SCN7A: variants seen among roughly 807,000 people sequenced by gnomAD.
SCN7A encodes the protein sodium channel protein type 7 subunit alpha.
A neutral mutation model predicts 155.2 loss-of-function variants in SCN7A; 138 were observed. The ratio of observed to expected loss-of-function variants is 0.89; its 90% CI spans 0.77 to 1.02. SCN7A has a LOEUF of 1.02. Ranked by LOEUF, SCN7A falls within the 50% of genes least tolerant of loss-of-function variation. The probability of loss-of-function intolerance (pLI) is 0.00; values close to 1 mark genes in which losing one functional copy is unlikely to be tolerated. For synonymous variants in SCN7A, 693 were observed against 649.0 expected, an observed-to-expected ratio of 1.07 and a Z score of -1.03; for missense variants, 2,058 against 1,986.6, an observed-to-expected ratio of 1.04 and a Z score of -0.68.
At chr2:166,456,842 A>T (rs1199444597) in intron 11 of SCN7A, 28 bp downstream of exon 11, 2 of 1,068,164 alleles carry the variant, frequency 1.9e-6, no homozygotes, top group Non-Finnish European at 2.8e-6. Flanking sequence ...ATAGATAGAT[A>T]GATAGATAGA....
intron 6 of SCN7A, among the ~76,000 whole-genome samples, chr2:166,471,732 G>T (rs1243658830): frequency 8.7e-5 from 13 of 150,182 alleles, no homozygotes; most frequent in Admixed American, 8.1e-4. Flanking sequence ...ATGTGGGGGG[G>T]GGGGTGGTGT....
In SCN7A at chr2:166,406,040, GTCC is replaced by G; in HGVS notation, c.4586_4588del (p.Arg1529del). ...AAGCTTGCTAGAGTCTATGTACTGGGTCCTATCAGGATCAAACCTTTTCCATAC... is the reference window on the plus strand; with the variant it reads ...AAGCTTGCTAGAGTCTATGTACTGGGTATCAGGATCAAACCTTTTCCATAC... On this transcript the variant is annotated inframe_deletion, in exon 26 of 26. Coordinates refer to ENST00000643258, the MANE Select transcript of SCN7A (RefSeq NM_002976.4). 1.2e-6 allele frequency: 2 copies of G among 1,612,862 alleles called. No homozygotes were observed. The highest frequency in any genetic ancestry group is 1.7e-6 in the Non-Finnish European group (2 of 1,179,346).
intron 18 of SCN7A, among the ~76,000 whole-genome samples, 184 bp downstream of exon 18, chr2:166,427,604 A>G (rs1701650648): frequency 6.6e-6 from 1 of 152,110 alleles, no homozygotes; most frequent in African/African-American, 2.4e-5. Flanking sequence ...TGAATGATGC[A>G]TATATAAACT....
chr2:166,405,322 T>C lies in SCN7A; in HGVS notation c.*258A>G, dbSNP rs1426763773. On this transcript the variant is annotated 3_prime_UTR_variant, in exon 26 of 26. Transcript: ENST00000643258. Reference sequence around the variant, plus strand: ...TAGAAGGCACACATCATATAAGCCATGTAGAGAAAACAAATATGAGATTGT... The same window carrying C: ...TAGAAGGCACACATCATATAAGCCACGTAGAGAAAACAAATATGAGATTGT... The C allele has an allele frequency of 4.9e-6, 2 of 406,466 alleles. No individual in the cohort carries two copies. The highest frequency in any genetic ancestry group is 4.2e-5 in the African/African-American group (2 of 47,938). The allele number at this position is 406,466 out of a possible 1,614,324, so 25.2% of individuals were successfully genotyped here.
At chr2:166,415,456 C>T (rs2105377626) in intron 21 of SCN7A, among the ~76,000 whole-genome samples, 1 of 152,042 alleles carries the variant, frequency 6.6e-6, no homozygotes, top group African/African-American at 2.4e-5. Flanking sequence ...ATCTCTTGAC[C>T]TCATGATCTG....
chr2:166,414,252 A>G, intron 21 of SCN7A, among the ~76,000 whole-genome samples: 1 of 87,690 alleles, frequency 1.1e-5, no homozygotes, highest in Non-Finnish European at 2.1e-5. Flanking sequence ...GTAAATATAT[A>G]TAGATATATA....
Position 166,456,931 on chromosome 2 carries a change from T to G in SCN7A, c.1229A>C (p.Lys410Thr). The G allele has an allele frequency of 6.4e-7, 1 of 1,570,654 alleles. No individual in the cohort carries two copies. The highest frequency in any genetic ancestry group is 8.6e-7 in the Non-Finnish European group (1 of 1,157,006). Reference sequence around the variant, plus strand: ...AGTCTGTTGAAATTTTGGTTCAATCTTCTTAGATATTTCACCAACTCTCTG... The same window carrying G: ...AGTCTGTTGAAATTTTGGTTCAATCGTCTTAGATATTTCACCAACTCTCTG... ...EKQRVGEISK[K>T]IEPKFQQTGK... The change falls in exon 11 of 26, where the codon AAG becomes ACG. Residue 410 changes from lysine to threonine, a missense_variant. Lys to Thr is a moderately conservative substitution (Grantham distance 78, BLOSUM62 -1). Transcript: ENST00000643258.
chr2:166,444,682 T>C (rs917978999), intron 13 of SCN7A, 80 bp downstream of exon 13: 2 of 764,470 alleles, frequency 2.6e-6, no homozygotes, highest in Non-Finnish European at 2.1e-6. Flanking sequence ...AATAAAATAA[T>C]GGGAATAATG....
At chr2:166,409,615 A>T (rs1007136126) in intron 25 of SCN7A, 50 bp downstream of exon 25, 1 of 1,292,412 alleles carries the variant, frequency 7.7e-7, no homozygotes, top group South Asian at 1.7e-5. Context: ...GTAAGAGCTT[A>T]CTTGAATTAA....
At chr2:166,410,923 A>C (rs1701188840) in intron 23 of SCN7A, among the ~76,000 whole-genome samples, 1 of 151,996 alleles carries the variant, frequency 6.6e-6, no homozygotes. Context: ...CGTCCTAGGA[A>C]TTAGGAATTG....
intron 25 of SCN7A, 103 bp downstream of exon 25, chr2:166,409,562 T>A: frequency 2.2e-6 from 2 of 917,320 alleles, no homozygotes; most frequent in Non-Finnish European, 3.2e-6. Flanking sequence ...GGAGACTATA[T>A]TTCATGATTT....
rs1172227994 is a variant in SCN7A, at chr2:166,406,305, C to T, written c.4324G>A (p.Ala1442Thr). The T allele has an allele frequency of 1.2e-6, 2 of 1,613,094 alleles. No homozygotes were observed. Among genetic ancestry groups the T allele is most frequent in the East Asian group, 4.5e-5 (2 of 44,832 alleles). The change falls in exon 26 of 26, where the codon GCA (alanine) becomes ACA (threonine). Residue 1442 changes from alanine to threonine, a missense_variant. Physicochemically the swap from Ala to Thr is moderately conservative, Grantham distance 58. Coordinates refer to ENST00000643258, the MANE Select transcript of SCN7A (RefSeq NM_002976.4). ...IFAGWDGMLDAIFNSKWSDCD... is the reference protein window; with the variant it reads ...IFAGWDGMLDTIFNSKWSDCD... ...TCAGACCATTTACTGTTGAAAATTG[C>T]ATCAAGCATCCCATCCCAACCAGCA... is the stretch of plus-strand genomic sequence containing the variant.
rs1366178353 is a variant in SCN7A at position 166,403,915 on chromosome 2, GAAA to G, written c.*1662_*1664del. On this transcript the variant is annotated 3_prime_UTR_variant, in exon 26 of 26. Coordinates refer to ENST00000643258, the MANE Select transcript of SCN7A (RefSeq NM_002976.4). ...CATAACATGATGGAGAGCAGGAGAA[GAAA>G]GGGAAGGAACACTTAGAGAGGAAAA... is the stretch of plus-strand genomic sequence containing the variant. 6.6e-6 allele frequency: 1 copy of G among 150,458 alleles called. No individual in the cohort carries two copies. Among genetic ancestry groups the G allele is most frequent in the African/African-American group, 2.4e-5 (1 of 40,932 alleles). The allele number at this position is 150,458 out of a possible 1,614,324, so 9.3% of individuals were successfully genotyped here.
rs1475593679 is a variant in SCN7A at position 166,413,082 on chromosome 2, T to G, written c.3454A>C (p.Ile1152Leu). ...ATTATACTTACAGCAACAGAATCAA[T>G]TGCTGAATTCATAATAGTGATCCAT... ...NGWITIMNSAIDSVAVNIQPH... is the reference protein window; with the variant it reads ...NGWITIMNSALDSVAVNIQPH... Residue 1152 changes from isoleucine to leucine, a missense_variant, in exon 22 of 26, where the codon ATT becomes CTT. Coordinates refer to ENST00000643258, the MANE Select transcript of SCN7A (RefSeq NM_002976.4). The G allele has an allele frequency of 6.5e-7, 1 of 1,532,382 alleles. No individual in the cohort carries two copies. The allele number at this position is 1,532,382 out of a possible 1,614,324, so 94.9% of individuals were successfully genotyped here.
Position 166,409,930 on chromosome 2 carries a change from C to T in SCN7A, c.3717G>A (p.Lys1239=), listed in dbSNP as rs16852124. Residue 1239 remains lysine (K), a synonymous_variant, in exon 25 of 26, where the codon AAG becomes AAA. Transcript: ENST00000643258. ...CCACATCAAAGATGAATCCTTGGAG[C>T]TTGTTCTGTGGGTAAAATCAACAGG... ...SQRPVPRPLN[K]LQGFIFDVVT... is the part of the protein sequence containing the mutation. 0.015 allele frequency: 24,063 copies of T among 1,559,402 alleles called. 254 individuals carry two copies. The highest frequency in any genetic ancestry group is 0.04 in the South Asian group (3,325 of 83,798).
rs1559085174 is a variant in SCN7A at position 166,409,943 on chromosome 2, T to C, written c.3712-8A>G. 68 of 1,551,436 alleles carry C rather than the reference T, an allele frequency of 4.4e-5. No homozygotes were observed. Among genetic ancestry groups the C allele is most frequent in the Non-Finnish European group, 5.9e-5 (68 of 1,146,936 alleles). On this transcript the variant is annotated splice_polypyrimidine_tract_variant and splice_region_variant and intron_variant, in intron 24 of 25. Transcript: ENST00000643258. ...GAATCCTTGGAGCTTGTTCTGTGGG[T>C]AAAATCAACAGGTGTAATAGTCTTA... is the stretch of plus-strand genomic sequence containing the variant.
chr2:166,417,559 T>C (rs538403964), intron 20 of SCN7A, among the ~76,000 whole-genome samples: 1 of 150,790 alleles, frequency 6.6e-6, no homozygotes, highest in South Asian at 2.1e-4. Context: ...AGCTAATTAG[T>C]ACAAATACTA....
At position 166,447,640 on chromosome 2, in the gene SCN7A, C is replaced by T. The variant is rs1702091741; in HGVS notation, c.1359G>A (p.Leu453=). 1.9e-6 allele frequency: 3 copies of T among 1,611,482 alleles called. 1 individual carries two copies. The highest frequency in any genetic ancestry group is 2.2e-5 in the South Asian group (2 of 91,002). The change falls in exon 12 of 26, where the codon TTG becomes TTA. Residue 453 remains leucine, a synonymous_variant. Transcript: ENST00000643258. The part of the protein sequence containing the change: ...PISTDTSLDV[L]EDATLRHKEE... ...CCTTATGTCTGAGAGTAGCATCTTC[C>T]AACACATCCAATGATGTGTCTGTGG...
chr2:166,465,696 G>T, intron 8 of SCN7A, 85 bp downstream of exon 8: 1 of 1,435,664 alleles, frequency 7.0e-7, no homozygotes, highest in Non-Finnish European at 9.8e-7. Flanking sequence ...CTAACAAAAT[G>T]TTGAGTGTTC....
Sources: allele counts gnomAD v4.1 joint callset (sites outside exome capture counted in the v4.1 genomes callset), GRCh38; gene constraint gnomAD v4.1.1; transcripts MANE v1.5; gene names NCBI Gene and HGNC (gene_info 2026-07-23, HGNC 2026-07-21).